QSOX2: variants seen among roughly 807,000 people sequenced by gnomAD.
QSOX2 encodes the protein sulfhydryl oxidase 2.
A neutral mutation model predicts 61.7 loss-of-function variants in QSOX2; 46 were observed. That is an observed-to-expected ratio of 0.75 (90% CI 0.59 to 0.95). The LOEUF (loss-of-function observed/expected upper bound fraction) is 0.95. QSOX2 is among the 40% of genes least tolerant of loss of function. The pLI is 0.00. For missense variants in QSOX2, 879 were observed against 918.9 expected (o/e 0.96, Z 0.56); for synonymous variants, 383 against 388.4 (o/e 0.99, Z 0.16).
intron 1 of QSOX2, among the ~76,000 whole-genome samples, chr9:136,228,050 C>A (rs531632902): frequency 1.3e-5 from 2 of 152,316 alleles, no homozygotes; most frequent in South Asian, 4.1e-4. Flanking sequence ...TGGCACTTTC[C>A]TTCTCTGGGT....
At chr9:136,216,505 C>T (rs979155010) in intron 9 of QSOX2, 95 bp downstream of exon 9, 41 of 1,531,400 alleles carry the variant, frequency 2.7e-5, no homozygotes, top group African/African-American at 2.2e-4. Flanking sequence ...CAGCGGAGCC[C>T]GGGCCCCGAG....
At chr9:136,240,370 T>C (rs1588642246) in intron 1 of QSOX2, among the ~76,000 whole-genome samples, 1 of 152,360 alleles carries the variant, frequency 6.6e-6, no homozygotes, top group Non-Finnish European at 1.5e-5. Context: ...AGAAGTCTAA[T>C]GTATAGTCCA....
rs1023811610 is a variant in QSOX2, at chr9:136,219,270, G to A, written c.822-106C>T. ...TCTGGGCCACCCCTTTCATCCTTTGGGCATTTATTGGGGCATGGGAGTCAG... is the reference window on the plus strand; with the variant it reads ...TCTGGGCCACCCCTTTCATCCTTTGAGCATTTATTGGGGCATGGGAGTCAG... On this transcript the variant is annotated intron_variant, in intron 6 of 11. Transcript: ENST00000358701. 40 of 1,355,624 alleles carry A rather than the reference G, an allele frequency of 3.0e-5. No individual in the cohort carries two copies. In the African/African-American group the frequency reaches 5.3e-4, roughly 18 times the overall value. The allele number at this position is 1,355,624 out of a possible 1,614,324, so 84.0% of individuals were successfully genotyped here. A position where few individuals can be genotyped will look rare whatever the true frequency, so the allele number is the denominator to read the frequency against.
intron 1 of QSOX2, among the ~76,000 whole-genome samples, chr9:136,230,850 A>G (rs554565985): frequency 8.5e-5 from 13 of 152,218 alleles, no homozygotes; most frequent in African/African-American, 2.9e-4. Flanking sequence ...AGCCATGCAC[A>G]GGCCTGACCT....
intron 1 of QSOX2, among the ~76,000 whole-genome samples, chr9:136,231,942 G>A (rs1830335508): frequency 7.1e-6 from 1 of 139,994 alleles, no homozygotes; most frequent in African/African-American, 2.7e-5. Flanking sequence ...TCCTCCGCAG[G>A]TCCCATCTGC....
rs376888842 is a variant in QSOX2, at chr9:136,215,050, G to A, written c.1360+104C>T. The A allele has an allele frequency of 1.9e-5, 26 of 1,364,386 alleles. No individual in the cohort carries two copies. In the East Asian group the frequency reaches 2.8e-4, roughly 14 times the overall value. 84.5% of individuals were successfully genotyped at this position (1,364,386 alleles called of 1,614,324 possible). On this transcript the variant is annotated intron_variant, in intron 10 of 11. Coordinates refer to ENST00000358701, the MANE Select transcript of QSOX2 (RefSeq NM_181701.4). ...CATTCCCCTGCCTCAGTGGCCTGGC[G>A]ACATGCTGCCTCCCATACAGCAGTA...
Position 136,210,209 on chromosome 9 carries a change from G to A in QSOX2, c.1550-934C>T, listed in dbSNP as rs879732352. 8.2e-5 allele frequency: 81 copies of A among 985,468 alleles called. 1 individual carries two copies. In the Admixed American group the frequency reaches 2.0e-3, roughly 25 times the overall value. The allele number at this position is 985,468 out of a possible 1,614,324, so 61.0% of individuals were successfully genotyped here. On this transcript the variant is annotated intron_variant, in intron 11 of 11. Transcript: ENST00000358701. ...TTCATGTAGGACTGTCAAATAAGGCGCCAGCCCTGGGCAGAAGACCCCAGG... is the reference window on the plus strand; with the variant it reads ...TTCATGTAGGACTGTCAAATAAGGCACCAGCCCTGGGCAGAAGACCCCAGG...
intron 1 of QSOX2, among the ~76,000 whole-genome samples, chr9:136,241,118 C>A (rs376050546): frequency 6.6e-6 from 1 of 152,180 alleles, no homozygotes; most frequent in East Asian, 1.9e-4. Context: ...GGGAGGCCAG[C>A]GGGGAGCCCG....
At chr9:136,227,196 C>CGCGG (rs1249087903) in intron 1 of QSOX2, among the ~76,000 whole-genome samples, 1 of 152,098 alleles carries the variant, frequency 6.6e-6, no homozygotes, top group Non-Finnish European at 1.5e-5. Flanking sequence ...TGGTAACAGA[C>CGCGG]GCGGCTGTCA....
intron 1 of QSOX2, among the ~76,000 whole-genome samples, chr9:136,232,452 AC>A (rs1326395295): frequency 6.6e-6 from 1 of 152,258 alleles, no homozygotes; most frequent in African/African-American, 2.4e-5. Context: ...CTAGAAATAT[AC>A]AAAAAATTAA....
intron 1 of QSOX2, among the ~76,000 whole-genome samples, chr9:136,229,372 C>T (rs1830310503): frequency 6.6e-6 from 1 of 152,268 alleles, no homozygotes; most frequent in South Asian, 2.1e-4. Context: ...ACGGGCGGAC[C>T]CCTCCACAGC....
chr9:136,233,982 C>T (rs1405231716), intron 1 of QSOX2, among the ~76,000 whole-genome samples: 4 of 152,250 alleles, frequency 2.6e-5, no homozygotes, highest in African/African-American at 4.8e-5. Flanking sequence ...ACACGGAACA[C>T]GCCTGCCTCC....
chr9:136,207,402 CGGG>C lies in QSOX2; in HGVS notation c.*1323_*1325del, dbSNP rs1831781286. ...ACACACACACACACACACACACACACGGGCACACAAATACATCTGAGCCTATTT... is the reference window on the plus strand; with the variant it reads ...ACACACACACACACACACACACACACCACACAAATACATCTGAGCCTATTT... On this transcript the variant is annotated 3_prime_UTR_variant, in exon 12 of 12. Transcript: ENST00000358701. 6.7e-6 allele frequency: 1 copy of C among 149,686 alleles called. No individual in the cohort carries two copies. Among genetic ancestry groups the C allele is most frequent in the Non-Finnish European group, 1.5e-5 (1 of 67,256 alleles). 9.3% of individuals were successfully genotyped at this position (149,686 alleles called of 1,614,324 possible). A position where few individuals can be genotyped will look rare whatever the true frequency, so the allele number is the denominator to read the frequency against.
chr9:136,209,057 C>A lies in QSOX2; in HGVS notation c.1768G>T (p.Glu590Ter). The A allele has an allele frequency of 6.2e-7, 1 of 1,614,172 alleles. No homozygotes were observed. The highest frequency in any genetic ancestry group is 8.5e-7 in the Non-Finnish European group (1 of 1,180,012). Residue 590 changes from glutamate (E) to a stop codon, truncating the protein, a stop_gained, in exon 12 of 12, where the codon GAG (glutamate) becomes TAG (stop). Transcript: ENST00000358701. LOFTEE classifies it low-confidence loss of function (END_TRUNC). The surrounding 1 kb of genome is among the most constrained non-coding windows in gnomAD (Gnocchi z 5.6). ...TCTGGGGGAGTGAGTCTTTTCTCCT[C>A]TTCCTCACCCCTGGCCAGGGTTCCT... ...EGGTLARGEE[E>*]EKRLTPPEVS... is the part of the protein sequence containing the mutation.
At chr9:136,215,389 G>C (rs951595519) in intron 9 of QSOX2, 85 bp from the exon 10 acceptor site, 20 of 999,384 alleles carry the variant, frequency 2.0e-5, no homozygotes, top group African/African-American at 5.1e-5. Context: ...CTTCTTGACT[G>C]GGGGGGGTGG....
In QSOX2 at chr9:136,224,053, T is replaced by C. The variant is rs1480762362; in HGVS notation, c.538A>G (p.Thr180Ala). Residue 180 changes from threonine (T) to alanine (A), a missense_variant, in exon 4 of 12, where the codon ACG (threonine) becomes GCG (alanine). Thr to Ala is a moderately conservative substitution (Grantham distance 58, BLOSUM62 0). Transcript: ENST00000358701. ...CAGGCAGGGGGCCGGCTTCCTTCCG[T>C]GTGGTTCTGCAGGAAGTCAATCATC... ...QTMIDFLQNH[T>A]EGSRPPACPR... 6.2e-7 allele frequency: 1 copy of C among 1,613,870 alleles called. No homozygotes were observed. The highest frequency in any genetic ancestry group is 1.1e-5 in the South Asian group (1 of 91,050).
chr9:136,232,917 C>CAAAAAAAAA (rs60814748), intron 1 of QSOX2, among the ~76,000 whole-genome samples: 10 of 45,424 alleles, frequency 2.2e-4, no homozygotes, highest in Admixed American at 1.1e-3. Flanking sequence ...GAACCTGTCT[C>CAAAAAAAAA]AAAAAAAAAA....
At position 136,223,773 on chromosome 9, in the gene QSOX2, A is replaced by C; in HGVS notation, c.665T>G (p.Leu222Arg). 1 of 1,613,902 alleles carries C rather than the reference A, an allele frequency of 6.2e-7. No homozygotes were observed. Among genetic ancestry groups the C allele is most frequent in the Non-Finnish European group, 8.5e-7 (1 of 1,179,932 alleles). ...AIVFESNSSY[L>R]GREVILDLIP... ...ACGCAGAGGCCGTACCTCCCGTCCA[A>C]GGTAGGAGCTGTTGCTTTCAAAGAC... is the stretch of plus-strand genomic sequence containing the variant. The change falls in exon 5 of 12, where the codon CTT (leucine) becomes CGT (arginine). Residue 222 changes from leucine to arginine, a missense_variant. Leu to Arg is a moderately radical substitution (Grantham distance 102). Transcript: ENST00000358701. The surrounding 1 kb of genome is among the most constrained non-coding windows in gnomAD (Gnocchi z 4.4).
chr9:136,224,189 C>T, intron 3 of QSOX2, 77 bp from the exon 4 acceptor site: 1 of 1,163,192 alleles, frequency 8.6e-7, no homozygotes, highest in Non-Finnish European at 1.3e-6. Context: ...GGGACAGCAG[C>T]CCCGTCCCAG....
Sources: gnomAD v4.1 joint callset for allele counts (sites outside exome capture counted in the v4.1 genomes callset) on GRCh38, gnomAD v4.1.1 for gene constraint, Gnocchi (gnomAD v3.1) non-coding constraint, MANE v1.5 for transcripts, NCBI Gene and HGNC (gene_info 2026-07-23, HGNC 2026-07-21) for gene names.